Variants in SEM1 observed in about 807,000 individuals in gnomAD.
SEM1 encodes the protein SEM1 26S proteasome subunit.
In SEM1, 3 loss-of-function variants were observed where a neutral mutation model predicts 12.7. The observed-to-expected ratio is 0.24, with a 90% CI of 0.11 to 0.61. The LOEUF (loss-of-function observed/expected upper bound fraction) is 0.61. Among genes scored for constraint, SEM1 ranks in the 20% least tolerant of loss-of-function variants. SEM1 has a pLI of 0.88. For missense variants in SEM1, 59 were observed against 81.3 expected, an observed-to-expected ratio of 0.73 and a Z score of 1.06; for synonymous variants, 30 against 27.8, an observed-to-expected ratio of 1.08 and a Z score of -0.25.
chr7:96,517,333 T>C (rs545089948), intron 2 of SEM1, among the ~76,000 whole-genome samples: 3 of 152,224 alleles, frequency 2.0e-5, no homozygotes, highest in South Asian at 4.2e-4. Context: ...AGAGGGTAAA[T>C]GACAAATCTC....
chr7:96,574,908 G>A (rs7801752), intron 2 of SEM1, among the ~76,000 whole-genome samples: 84,010 of 151,966 alleles, frequency 0.55, 25,011 homozygotes, highest in Non-Finnish European at 0.68. Context: ...GGGTTAGAAC[G>A]TGCTTCTTTA....
intron 2 of SEM1, among the ~76,000 whole-genome samples, chr7:96,629,377 T>A (rs1449111739): frequency 1.3e-5 from 2 of 151,928 alleles, no homozygotes; most frequent in Non-Finnish European, 2.9e-5. Flanking sequence ...TTTCAAATAC[T>A]CTATCTTCAA....
At chr7:96,664,646 G>C (rs183718040) in intron 2 of SEM1, among the ~76,000 whole-genome samples, 1 of 152,264 alleles carries the variant, frequency 6.6e-6, no homozygotes, top group Non-Finnish European at 1.5e-5. Context: ...TATGTTCACA[G>C]ACTCAGGGGG....
At chr7:96,538,831 C>T (rs1020807619) in intron 2 of SEM1, among the ~76,000 whole-genome samples, 15 of 151,704 alleles carry the variant, frequency 9.9e-5, no homozygotes, top group South Asian at 6.2e-4. Context: ...GATAGAGCTG[C>T]GGTAATGTCT....
rs562962521 is a variant in SEM1 at position 96,630,217 on chromosome 7, T to C, written c.171-7574A>G. Reference sequence around the variant, plus strand: ...CCAGGCCTGTGTTCTTCCTTTCAGGTGGTGAGTTCCTCCACTCCCCACGCA... The same window carrying C: ...CCAGGCCTGTGTTCTTCCTTTCAGGCGGTGAGTTCCTCCACTCCCCACGCA... On this transcript the variant is annotated intron_variant, in intron 2 of 2. Coordinates refer to the SEM1 transcript ENST00000417009. Among the ~76,000 whole-genome samples the C allele has an allele frequency of 3.9e-5, 6 of 152,318 alleles. No individual in the cohort carries two copies. In the East Asian group the frequency reaches 1.2e-3, roughly 29 times the overall value.
At chr7:96,582,183 G>T (rs926072191) in intron 2 of SEM1, among the ~76,000 whole-genome samples, 5 of 151,382 alleles carry the variant, frequency 3.3e-5, no homozygotes, top group South Asian at 2.1e-4. Flanking sequence ...TTGCATGAAG[G>T]GTTGTTGAAT....
chr7:96,618,793 T>A (rs1374055869), downstream of SEM1, among the ~76,000 whole-genome samples: 1 of 152,150 alleles, frequency 6.6e-6, no homozygotes, highest in East Asian at 1.9e-4. Context: ...TACAAAAAAA[T>A]TTAAAAATTA....
At chr7:96,577,851 G>T (rs1806255828) in intron 2 of SEM1, among the ~76,000 whole-genome samples, 1 of 149,950 alleles carries the variant, frequency 6.7e-6, no homozygotes, top group Admixed American at 6.6e-5. Context: ...AGAGTCAATA[G>T]AATGAAAGGA....
intron 1 of SEM1, among the ~76,000 whole-genome samples, chr7:96,703,849 G>A (rs1790350103): frequency 6.6e-6 from 1 of 151,964 alleles, no homozygotes; most frequent in South Asian, 2.1e-4. Flanking sequence ...TAGGGAGGCT[G>A]ATAGGGAGGC....
downstream of SEM1, among the ~76,000 whole-genome samples, chr7:96,620,472 T>C (rs1807857114): frequency 1.3e-5 from 2 of 152,110 alleles, no homozygotes; most frequent in African/African-American, 4.8e-5. Flanking sequence ...TCTGGAGCAA[T>C]GTCTCTGAGC....
chr7:96,622,275 A>C (rs1197441995), downstream of SEM1: 1 of 238,384 alleles, frequency 4.2e-6, no homozygotes, highest in Admixed American at 5.3e-5. Context: ...ATGGAAAAAA[A>C]AAATAAAACT....
intron 2 of SEM1, among the ~76,000 whole-genome samples, chr7:96,610,181 C>A (rs1270244968): frequency 6.6e-6 from 1 of 151,888 alleles, no homozygotes; most frequent in Non-Finnish European, 1.5e-5. Context: ...CTCACCGCAA[C>A]CTCCGCCTCC....
intron 2 of SEM1, among the ~76,000 whole-genome samples, chr7:96,522,191 A>G (rs1198938974): frequency 1.3e-5 from 2 of 152,122 alleles, no homozygotes; most frequent in African/African-American, 4.8e-5. Context: ...GACATCCAAG[A>G]TGACACAGAC....
At chr7:96,600,524 CT>C (rs2116187198) in intron 2 of SEM1, among the ~76,000 whole-genome samples, 1 of 152,272 alleles carries the variant, frequency 6.6e-6, no homozygotes, top group Admixed American at 6.5e-5. Flanking sequence ...ATGATGACTC[CT>C]CTCAAACAGA....
intron 1 of SEM1, among the ~76,000 whole-genome samples, chr7:96,486,911 G>T (rs1357472854): frequency 6.6e-6 from 1 of 152,246 alleles, no homozygotes; most frequent in African/African-American, 2.4e-5. Flanking sequence ...GGAAAGGGAG[G>T]CCCCTGAAAA....
chr7:96,671,275 T>C (rs1789309512), downstream of SEM1, among the ~76,000 whole-genome samples: 2 of 152,192 alleles, frequency 1.3e-5, no homozygotes, highest in African/African-American at 4.8e-5. Context: ...TTAATTTTGG[T>C]GACATTTTTT....
At chr7:96,565,770 T>C (rs985427229) in intron 2 of SEM1, among the ~76,000 whole-genome samples, 1 of 151,826 alleles carries the variant, frequency 6.6e-6, no homozygotes, top group Non-Finnish European at 1.5e-5. Flanking sequence ...AACAAAGGTG[T>C]CACAAGTTGC....
chr7:96,621,406 T>C (rs1023721928), downstream of SEM1, among the ~76,000 whole-genome samples: 4 of 152,302 alleles, frequency 2.6e-5, no homozygotes, highest in Middle Eastern at 3.4e-3. Context: ...CTTTCCTCAA[T>C]ATAAAATGTT....
At chr7:96,493,337 T>C (rs1803103930) in intron 1 of SEM1, among the ~76,000 whole-genome samples, 1 of 152,090 alleles carries the variant, frequency 6.6e-6, no homozygotes, top group African/African-American at 2.4e-5. Flanking sequence ...CGAAAATGCA[T>C]TTCCTATCCA....
Sources: gnomAD v4.1 joint callset for allele counts (sites outside exome capture counted in the v4.1 genomes callset) on GRCh38, gnomAD v4.1.1 for gene constraint, MANE v1.5 for transcripts, NCBI Gene and HGNC (gene_info 2026-07-23, HGNC 2026-07-21) for gene names.